Variants in FRMD6 observed in about 807,000 individuals in gnomAD.
The protein encoded by FRMD6 is FERM domain-containing protein 6.
A neutral mutation model predicts 73.2 loss-of-function variants in FRMD6; 37 were observed. The ratio of observed to expected loss-of-function variants is 0.51; its 90% CI spans 0.39 to 0.66. The LOEUF is 0.66. FRMD6 is among the 30% of genes least tolerant of loss of function. The probability of loss-of-function intolerance (pLI) is 0.00; values close to 1 mark genes in which losing one functional copy is unlikely to be tolerated. For synonymous variants in FRMD6, 273 were observed against 282.2 expected (o/e 0.97, Z 0.33); for missense variants, 714 against 780.5 (o/e 0.91, Z 1.02).
At chr14:51,495,817 A>G (rs1035083121) in intron 1 of FRMD6, among the ~76,000 whole-genome samples, 2 of 152,252 alleles carry the variant, frequency 1.3e-5, no homozygotes, top group African/African-American at 4.8e-5. Context: ...TGAAGAAGCC[A>G]TGATAAACAG....
At chr14:51,589,263 T>G (rs1889232392) in intron 2 of FRMD6, among the ~76,000 whole-genome samples, 1 of 152,120 alleles carries the variant, frequency 6.6e-6, no homozygotes, top group Non-Finnish European at 1.5e-5. Context: ...TAGAGAGTAT[T>G]TATCACTCCT....
At chr14:51,665,310 G>C (rs1418486648) in intron 1 of FRMD6, among the ~76,000 whole-genome samples, 1 of 152,148 alleles carries the variant, frequency 6.6e-6, no homozygotes, top group South Asian at 2.1e-4. Context: ...TCAACATTGG[G>C]ACCAAGCTGT....
chr14:51,440,080 T>C, the FRMD6 span, among the ~76,000 whole-genome samples: 1 of 152,172 alleles, frequency 6.6e-6, no homozygotes, highest in Admixed American at 6.5e-5. Flanking sequence ...CCTTGTTAAT[T>C]AGTGTAAACA....
chr14:51,726,148 T>TG (rs1897943753), intron 13 of FRMD6, among the ~76,000 whole-genome samples: 2 of 152,206 alleles, frequency 1.3e-5, no homozygotes, highest in African/African-American at 4.8e-5. Context: ...GAACCACGTG[T>TG]GCACATGCAT....
upstream of FRMD6, among the ~76,000 whole-genome samples, chr14:51,484,411 G>T (rs1882724839): frequency 6.6e-6 from 1 of 152,052 alleles, no homozygotes. Context: ...CCACTCAACA[G>T]TCACCCAGTG....
chr14:51,426,396 T>C, the FRMD6 span, among the ~76,000 whole-genome samples: 13,152 of 152,046 alleles, frequency 0.087, 605 homozygotes, highest in East Asian at 0.12. Flanking sequence ...CCACTAGAAT[T>C]AGACCCCGCT....
chr14:51,598,390 C>T (rs1594580453), intron 2 of FRMD6, among the ~76,000 whole-genome samples: 1 of 152,228 alleles, frequency 6.6e-6, no homozygotes, highest in African/African-American at 2.4e-5. Flanking sequence ...CATGTCATTG[C>T]CTTTCTTCTT....
exon 1 of FRMD6, chr14:51,489,218 T>C (rs1882856775): frequency 6.6e-6 from 1 of 152,214 alleles, no homozygotes; most frequent in Non-Finnish European, 1.5e-5. Context: ...CTCCAAACAT[T>C]CTTCCTTGAG....
chr14:51,545,686 T>C (rs1263832424), intron 1 of FRMD6, among the ~76,000 whole-genome samples: 2 of 152,098 alleles, frequency 1.3e-5, no homozygotes, highest in East Asian at 1.9e-4. Context: ...GAGCTCCCCA[T>C]AGACAAAGCA....
At chr14:51,671,246 G>A (rs1434604334) in intron 1 of FRMD6, among the ~76,000 whole-genome samples, 1 of 151,894 alleles carries the variant, frequency 6.6e-6, no homozygotes, top group Non-Finnish European at 1.5e-5. Flanking sequence ...GGAAATGATG[G>A]CCTCATAGAA....
At position 51,709,913 on chromosome 14, in the gene FRMD6, A is replaced by T. The variant is rs146967978; in HGVS notation, c.715-1618A>T. Among the ~76,000 whole-genome samples the T allele has an allele frequency of 5.7e-4, 87 of 152,226 alleles. 2 individuals carry two copies. The East Asian group carries it at 0.014, about 24-fold the overall frequency. On this transcript the variant is annotated intron_variant, in intron 7 of 13. Coordinates refer to ENST00000344768, the MANE Select transcript of FRMD6 (RefSeq NM_001267046.2). ...ATCCTGAGCTGTCTATTAAGTGGGG[A>T]TGATACAATATGCTTCACAAGGTTG...
intron 2 of FRMD6, among the ~76,000 whole-genome samples, chr14:51,589,356 T>TTTGTTG (rs1268854975): frequency 2.6e-5 from 1 of 37,878 alleles, no homozygotes; most frequent in African/African-American, 6.7e-5. Flanking sequence ...TTTGGTTTTT[T>TTTGTTG]TTGTTGTTGT....
chr14:51,546,594 A>AC, intron 1 of FRMD6: 1 of 151,372 alleles, frequency 6.6e-6, no homozygotes, highest in South Asian at 2.1e-4. Context: ...AAAAAAAAAA[A>AC]AAAAAAAAAA....
At position 51,698,239 on chromosome 14, in the gene FRMD6, C is replaced by G. The variant is rs955333351; in HGVS notation, c.190+7C>G. 6.3e-7 allele frequency: 1 copy of G among 1,595,102 alleles called. No individual in the cohort carries two copies. The highest frequency in any genetic ancestry group is 8.6e-7 in the Non-Finnish European group (1 of 1,165,418). On this transcript the variant is annotated splice_region_variant and intron_variant, in intron 3 of 13. Coordinates refer to ENST00000344768, the MANE Select transcript of FRMD6 (RefSeq NM_001267046.2). ...GGACTCAGTGTTATACAAAGTAAGT[C>G]TTAGAGCCCTCTCTGATGGATTTAG...
At chr14:51,550,164 G>A (rs555458018) in intron 1 of FRMD6, among the ~76,000 whole-genome samples, 17 of 152,248 alleles carry the variant, frequency 1.1e-4, no homozygotes, top group East Asian at 3.9e-4. Flanking sequence ...TCACTCCAGG[G>A]AGTAACAATC....
At chr14:51,532,929 C>G (rs1240151813) in intron 1 of FRMD6, among the ~76,000 whole-genome samples, 1 of 152,228 alleles carries the variant, frequency 6.6e-6, no homozygotes, top group African/African-American at 2.4e-5. Context: ...TGGCCTGGCA[C>G]TTAGTGGAAT....
chr14:51,405,448 T>C, the FRMD6 span, among the ~76,000 whole-genome samples: 1 of 152,120 alleles, frequency 6.6e-6, no homozygotes, highest in African/African-American at 2.4e-5. Flanking sequence ...GCATCTGTTA[T>C]TCCAGCATCT....
chr14:51,453,491 T>C, the FRMD6 span, among the ~76,000 whole-genome samples: 2 of 152,200 alleles, frequency 1.3e-5, no homozygotes, highest in African/African-American at 2.4e-5. Context: ...AGAAGAATGA[T>C]AATAGTCCAA....
chr14:51,581,492 C>T (rs1888721583), intron 2 of FRMD6, among the ~76,000 whole-genome samples: 1 of 152,178 alleles, frequency 6.6e-6, no homozygotes, highest in Non-Finnish European at 1.5e-5. Flanking sequence ...AAATTCTTAT[C>T]TTTTGGAGGC....
Sources: gnomAD v4.1 joint callset for allele counts (sites outside exome capture counted in the v4.1 genomes callset) on GRCh38, gnomAD v4.1.1 for gene constraint, MANE v1.5 for transcripts, NCBI Gene and HGNC (gene_info 2026-07-23, HGNC 2026-07-21) for gene names.